Variants in CTDP1 observed in about 807,000 individuals in gnomAD.
The protein encoded by CTDP1 is RNA polymerase II subunit A C-terminal domain phosphatase.
In CTDP1, 47 loss-of-function variants were observed where a neutral mutation model predicts 91.8. The ratio of observed to expected loss-of-function variants is 0.51; its 90% confidence interval spans 0.41 to 0.65. The LOEUF (loss-of-function observed/expected upper bound fraction) is 0.65, where lower values mean the gene tolerates loss of function less well. Among genes scored for constraint, CTDP1 ranks in the 30% least tolerant of loss-of-function variants. The pLI, the probability that CTDP1 is intolerant of heterozygous loss-of-function variation, is 0.00. For missense variants in CTDP1, 1,272 were observed against 1,373.7 expected, an observed-to-expected ratio of 0.93 and a Z score of 1.17; for synonymous variants, 656 against 598.5, an observed-to-expected ratio of 1.10 and a Z score of -1.40.
intron 11 of CTDP1, among the ~76,000 whole-genome samples, chr18:79,733,004 C>T (rs1252525559): frequency 1.3e-5 from 2 of 152,240 alleles, no homozygotes; most frequent in African/African-American, 4.8e-5. Flanking sequence ...CTGGAAGCGA[C>T]TCTAAAGCAT....
At position 79,717,439 on chromosome 18, in the gene CTDP1, T is replaced by G; in HGVS notation, c.2069-96T>G. The G allele has an allele frequency of 1.9e-6, 3 of 1,556,280 alleles. No homozygotes were observed. The South Asian group carries it at 3.4e-5, about 18-fold the overall frequency. On this transcript the variant is annotated intron_variant, in intron 8 of 12. Transcript: ENST00000613122. ...GTGAGGGCCCTGAGCCCTGGTGGGG[T>G]ACAGCCAGGTGAGGGCCCTGGTGGG...
At chr18:79,722,740 C>A (rs539075573) in intron 10 of CTDP1, among the ~76,000 whole-genome samples, 5 of 151,956 alleles carry the variant, frequency 3.3e-5, no homozygotes, top group African/African-American at 1.2e-4. Flanking sequence ...GACCTACTTA[C>A]ATCAGAAAAA....
rs749371676 is a variant in CTDP1, at chr18:79,710,337, T to G, written c.773-9T>G. ...GGTATGTAATCTTTGTCCTGTTTTC[T>G]TTTCCAAGGCTTTTTAGACCCCGAG... On this transcript the variant is annotated splice_polypyrimidine_tract_variant and intron_variant, in intron 5 of 12. Transcript: ENST00000613122. The G allele has an allele frequency of 6.8e-6, 11 of 1,611,536 alleles. No individual in the cohort carries two copies. In the Admixed American group the frequency reaches 1.8e-4, roughly 27 times the overall value.
intron 4 of CTDP1, among the ~76,000 whole-genome samples, chr18:79,701,295 G>A (rs1159233131): frequency 6.6e-6 from 1 of 152,036 alleles, no homozygotes; most frequent in African/African-American, 2.4e-5. Context: ...TGGATCACGA[G>A]GTCAGGAGAT....
Position 79,679,942 on chromosome 18 carries a change from T to C in CTDP1, c.-6T>C. The C allele has an allele frequency of 7.2e-7, 1 of 1,382,860 alleles. No individual in the cohort carries two copies. The highest frequency in any genetic ancestry group is 1.5e-5 in the South Asian group (1 of 68,882). 85.7% of individuals were successfully genotyped at this position (1,382,860 alleles called of 1,614,324 possible). On this transcript the variant is annotated 5_prime_UTR_variant, in exon 1 of 13. Coordinates refer to ENST00000613122, the MANE Select transcript of CTDP1 (RefSeq NM_004715.5). ...GTACCGACCGCCCGCCCGCCCTCTG[T>C]CCGCGATGGAGGTGCCGGCCGCGGG...
chr18:79,699,336 C>G (rs887869573), intron 4 of CTDP1, among the ~76,000 whole-genome samples: 1 of 152,208 alleles, frequency 6.6e-6, no homozygotes, highest in African/African-American at 2.4e-5. Flanking sequence ...TCTTGGCTCA[C>G]TGCAAGCTCT....
At chr18:79,680,295 G>A in intron 1 of CTDP1, 34 bp downstream of exon 1, 4 of 1,241,432 alleles carry the variant, frequency 3.2e-6, no homozygotes, top group South Asian at 3.3e-5. Flanking sequence ...GCCGAGGGCG[G>A]GCGGCTCCGG....
chr18:79,723,249 C>T (rs1308612060), intron 10 of CTDP1, among the ~76,000 whole-genome samples: 1 of 152,146 alleles, frequency 6.6e-6, no homozygotes, highest in Non-Finnish European at 1.5e-5. Flanking sequence ...TGCCCGATTC[C>T]CCCATGGCAT....
intron 12 of CTDP1, among the ~76,000 whole-genome samples, chr18:79,748,472 C>T (rs932180117): frequency 6.6e-6 from 1 of 152,228 alleles, no homozygotes. Context: ...CACTCAGCCT[C>T]ATGGAAGCCC....
At chr18:79,710,235 C>A in intron 5 of CTDP1, 111 bp from the exon 6 acceptor site, 1 of 859,200 alleles carries the variant, frequency 1.2e-6, no homozygotes, top group Non-Finnish European at 2.0e-6. Flanking sequence ...GGTGCCAGTT[C>A]ATCATGTTGT....
intron 12 of CTDP1, among the ~76,000 whole-genome samples, chr18:79,749,063 A>C (rs1179463815): frequency 6.6e-6 from 1 of 152,162 alleles, no homozygotes; most frequent in African/African-American, 2.4e-5. Context: ...TGTCAACAGC[A>C]CTCTGGGTGT....
chr18:79,714,649 C>T lies in CTDP1; in HGVS notation c.1189C>T (p.Arg397Cys), dbSNP rs1471272224. 8.1e-6 allele frequency: 13 copies of T among 1,612,050 alleles called. No homozygotes were observed. The highest frequency in any genetic ancestry group is 5.0e-5 in the Admixed American group (3 of 59,960). The change falls in exon 8 of 13, where the codon CGC becomes TGC. Residue 397 changes from arginine (R) to cysteine (C), a missense_variant. By Grantham distance (180) the Arg-to-Cys change is radical (BLOSUM62 -3). Around this residue, in one of 3 missense-constraint regions of CTDP1, gnomAD observed 881 missense variants for 911.6 expected, o/e 0.97. Coordinates refer to ENST00000613122, the MANE Select transcript of CTDP1 (RefSeq NM_004715.5). The part of the protein sequence containing the change: ...SEAATPRDSP[R>C]PGKPDERDIW... ...GGCCGCCACCCCGCGGGACTCACCCCGCCCCGGGAAGCCAGACGAGAGGGA... is the reference window on the plus strand; with the variant it reads ...GGCCGCCACCCCGCGGGACTCACCCTGCCCCGGGAAGCCAGACGAGAGGGA...
At chr18:79,707,415 A>C (rs1043402000) in intron 5 of CTDP1, among the ~76,000 whole-genome samples, 2 of 152,242 alleles carry the variant, frequency 1.3e-5, no homozygotes, top group African/African-American at 4.8e-5. Flanking sequence ...ACAGCAGAGC[A>C]GGGAGCCTGC....
intron 10 of CTDP1, among the ~76,000 whole-genome samples, chr18:79,722,229 TTTA>T (rs2086359439): frequency 6.6e-6 from 1 of 152,204 alleles, no homozygotes; most frequent in African/African-American, 2.4e-5. Flanking sequence ...GTCAAACACT[TTTA>T]CTTGAATGAC....
intron 1 of CTDP1, among the ~76,000 whole-genome samples, chr18:79,681,916 T>C (rs1401897538): frequency 6.6e-6 from 1 of 151,888 alleles, no homozygotes; most frequent in Non-Finnish European, 1.5e-5. Context: ...TGTACATGGG[T>C]TTTATGAGCG....
chr18:79,678,870 G>A (rs993753906), upstream of CTDP1: 1 of 167,198 alleles, frequency 6.0e-6, no homozygotes, highest in Non-Finnish European at 1.3e-5. Flanking sequence ...TTAGAGATAG[G>A]GTCTTGCTAC....
intron 10 of CTDP1, among the ~76,000 whole-genome samples, chr18:79,725,242 C>A (rs946532720): frequency 1.3e-5 from 2 of 152,178 alleles, no homozygotes; most frequent in African/African-American, 4.8e-5. Flanking sequence ...GCACTTGTCA[C>A]GTTGTGTGCC....
At chr18:79,717,789 C>G (rs1331916149) in intron 9 of CTDP1, 21 bp from the exon 10 acceptor site, 1 of 1,613,818 alleles carries the variant, frequency 6.2e-7, no homozygotes, top group Non-Finnish European at 8.5e-7. Flanking sequence ...GCTCATGGCC[C>G]TCGTTCTCTT....
intron 11 of CTDP1, 21 bp from the exon 12 acceptor site, chr18:79,736,334 T>C: frequency 6.5e-7 from 1 of 1,548,942 alleles, no homozygotes; most frequent in South Asian, 1.2e-5. Flanking sequence ...GGTCTGTCGC[T>C]GACTCTTGGC....
Sources: gnomAD v4.1 joint callset for allele counts (sites outside exome capture counted in the v4.1 genomes callset) on GRCh38, gnomAD v4.1.1 for gene constraint, gnomAD v4.1.1 regional missense constraint, MANE v1.5 for transcripts, NCBI Gene and HGNC (gene_info 2026-07-23, HGNC 2026-07-21) for gene names.